The following TENM3 variants were observed in gnomAD, a reference collection of about 807,000 sequenced individuals.
The protein encoded by TENM3 is teneurin-3.
In TENM3, 63 loss-of-function variants were observed where a neutral mutation model predicts 255.1. That is an observed-to-expected ratio of 0.25 (90% CI 0.20 to 0.30). The LOEUF (loss-of-function observed/expected upper bound fraction) is 0.30, where lower values mean the gene tolerates loss of function less well. Ranked by LOEUF, TENM3 falls within the 10% of genes least tolerant of loss-of-function variation. TENM3 has a pLI of 1.00. For synonymous variants in TENM3, 1,306 were observed against 1,322.3 expected, an observed-to-expected ratio of 0.99 and a Z score of 0.27; for missense variants, 2,929 against 3,461.1, an observed-to-expected ratio of 0.85 and a Z score of 3.86.
the TENM3 span, among the ~76,000 whole-genome samples, chr4:182,094,787 A>G: frequency 6.6e-6 from 1 of 152,174 alleles, no homozygotes; most frequent in African/African-American, 2.4e-5. Flanking sequence ...AAAGAGCAAC[A>G]TGAATCAGAA....
chr4:182,174,543 T>G (rs1173650593), intron 1 of TENM3, among the ~76,000 whole-genome samples: 1 of 127,134 alleles, frequency 7.9e-6, no homozygotes, highest in Non-Finnish European at 1.8e-5. Flanking sequence ...AACACACACT[T>G]TAACAGGGAG....
At chr4:181,934,048 CTGTGTG>C in the TENM3 span, among the ~76,000 whole-genome samples, 78 of 147,474 alleles carry the variant, frequency 5.3e-4, no homozygotes, top group African/African-American at 1.8e-3. Flanking sequence ...ATTCCCCTTT[CTGTGTG>C]TGTGTGTGTG....
At chr4:181,919,719 A>T in the TENM3 span, among the ~76,000 whole-genome samples, 18 of 151,176 alleles carry the variant, frequency 1.2e-4, no homozygotes, top group East Asian at 2.0e-4. Context: ...ATACAGAAAA[A>T]TTTTTTTTTA....
intron 20 of TENM3, among the ~76,000 whole-genome samples, chr4:182,752,724 C>T (rs914315116): frequency 5.3e-5 from 8 of 151,866 alleles, no homozygotes; most frequent in African/African-American, 1.7e-4. Flanking sequence ...TTCATTGTAA[C>T]GGGGTCAACA....
the TENM3 span, among the ~76,000 whole-genome samples, chr4:181,654,506 C>A: frequency 1.3e-5 from 2 of 152,122 alleles, no homozygotes; most frequent in Non-Finnish European, 2.9e-5. Context: ...ATAATCCCAG[C>A]ACTTTGGGAG....
At chr4:182,740,042 C>CA (rs1175206267) in intron 18 of TENM3, among the ~76,000 whole-genome samples, 2 of 151,838 alleles carry the variant, frequency 1.3e-5, no homozygotes, top group African/African-American at 2.4e-5. Flanking sequence ...TCTCAAAAAA[C>CA]AAAAAAGGAA....
chr4:182,626,841 T>C (rs1750862595), intron 4 of TENM3, among the ~76,000 whole-genome samples: 1 of 152,228 alleles, frequency 6.6e-6, no homozygotes, highest in Non-Finnish European at 1.5e-5. Flanking sequence ...AAGCATTTTT[T>C]AGAGACATTA....
intron 2 of TENM3, among the ~76,000 whole-genome samples, chr4:182,338,638 A>T (rs1380618379): frequency 6.6e-6 from 1 of 152,202 alleles, no homozygotes; most frequent in Non-Finnish European, 1.5e-5. Context: ...TTAGAATGTC[A>T]CTGGTAGCAT....
At chr4:181,605,515 AAAGAAAGAAAGAAAG>A in the TENM3 span, among the ~76,000 whole-genome samples, 1 of 21,926 alleles carries the variant, frequency 4.6e-5, no homozygotes, top group African/African-American at 1.1e-4. Context: ...AGAAAGAAAG[AAAGAAAGAAAGAAAG>A]AAAGAAAGAA....
At chr4:181,790,738 A>G in the TENM3 span, among the ~76,000 whole-genome samples, 1 of 152,342 alleles carries the variant, frequency 6.6e-6, no homozygotes, top group East Asian at 1.9e-4. Flanking sequence ...GTTCAGTACC[A>G]AGAAATGGCT....
At chr4:182,721,407 A>G (rs981691155) in intron 13 of TENM3, among the ~76,000 whole-genome samples, 3 of 152,168 alleles carry the variant, frequency 2.0e-5, no homozygotes, top group Non-Finnish European at 2.9e-5. Flanking sequence ...GCCCGTACAC[A>G]TAGGCCCATC....
At chr4:181,850,135 A>T in the TENM3 span, among the ~76,000 whole-genome samples, 1 of 148,588 alleles carries the variant, frequency 6.7e-6, no homozygotes, top group Non-Finnish European at 1.5e-5. Flanking sequence ...TTCACTCATT[A>T]TTTCTTCCTT....
chr4:182,336,399 A>G (rs1052736881), intron 2 of TENM3, among the ~76,000 whole-genome samples: 1 of 152,248 alleles, frequency 6.6e-6, no homozygotes, highest in African/African-American at 2.4e-5. Context: ...TTTACACAGA[A>G]GCTCTCATTA....
At chr4:182,693,586 C>T (rs949158795) in intron 12 of TENM3, among the ~76,000 whole-genome samples, 4 of 152,144 alleles carry the variant, frequency 2.6e-5, no homozygotes, top group Admixed American at 6.5e-5. Flanking sequence ...TGATCCACTG[C>T]GCCCGTCCTT....
At chr4:181,610,670 G>A in the TENM3 span, among the ~76,000 whole-genome samples, 2 of 152,200 alleles carry the variant, frequency 1.3e-5, no homozygotes, top group African/African-American at 4.8e-5. Flanking sequence ...AATAACTTCA[G>A]AGAAGGGGGA....
At chr4:181,808,291 A>G in the TENM3 span, among the ~76,000 whole-genome samples, 1 of 152,150 alleles carries the variant, frequency 6.6e-6, no homozygotes, top group Non-Finnish European at 1.5e-5. Flanking sequence ...GCATATAGAT[A>G]ATGAAGTTTA....
At chr4:182,156,390 C>T (rs1750703386) in intron 1 of TENM3, among the ~76,000 whole-genome samples, 1 of 151,900 alleles carries the variant, frequency 6.6e-6, no homozygotes, top group Admixed American at 6.6e-5. Flanking sequence ...CAGGGGTGCA[C>T]AGGCAGATTA....
the TENM3 span, among the ~76,000 whole-genome samples, chr4:182,108,574 A>G: frequency 1.1e-4 from 16 of 152,328 alleles, no homozygotes; most frequent in African/African-American, 3.4e-4. Flanking sequence ...GGAATATGGA[A>G]TGAATGAGAC....
the TENM3 span, among the ~76,000 whole-genome samples, chr4:181,744,116 C>T: frequency 6.6e-6 from 1 of 152,200 alleles, no homozygotes; most frequent in East Asian, 1.9e-4. Flanking sequence ...AGGATAACAG[C>T]TTCCAAATCC....
Sources: gnomAD v4.1 joint callset for allele counts (sites outside exome capture counted in the v4.1 genomes callset) on GRCh38, gnomAD v4.1.1 for gene constraint, MANE v1.5 for transcripts, NCBI Gene and HGNC (gene_info 2026-07-23, HGNC 2026-07-21) for gene names.